The following PCDH9 variants were observed in gnomAD, a reference collection of about 807,000 sequenced individuals.
PCDH9 encodes the protein protocadherin-9.
PCDH9 carries 24 observed loss-of-function variants against 70.6 expected under a neutral mutation model. The ratio of observed to expected loss-of-function variants is 0.34; its 90% CI spans 0.25 to 0.48. The LOEUF is 0.48. Among genes scored for constraint, PCDH9 ranks in the 20% least tolerant of loss-of-function variants. The pLI is 0.99. For missense variants in PCDH9, 1,281 were observed against 1,503.6 expected (o/e 0.85, Z 2.45); for synonymous variants, 562 against 558.5 (o/e 1.01, Z -0.09).
intron 3 of PCDH9, among the ~76,000 whole-genome samples, chr13:66,757,511 C>A (rs1298701314): frequency 6.6e-6 from 1 of 151,990 alleles, no homozygotes; most frequent in East Asian, 1.9e-4. Flanking sequence ...CAACCAAATT[C>A]TATGTGTCCT....
chr13:67,072,644 T>A (rs9529181), intron 2 of PCDH9, among the ~76,000 whole-genome samples: 2 of 151,856 alleles, frequency 1.3e-5, no homozygotes, highest in African/African-American at 4.8e-5. Flanking sequence ...ATGAAGATAT[T>A]CATCCCAAAT....
chr13:66,635,633 A>C (rs1372742432), intron 3 of PCDH9, among the ~76,000 whole-genome samples: 1 of 152,130 alleles, frequency 6.6e-6, no homozygotes, highest in Non-Finnish European at 1.5e-5. Flanking sequence ...GAAGATGTAC[A>C]TGTCCTGCAC....
At chr13:66,887,258 G>T (rs2082022086) in intron 3 of PCDH9, among the ~76,000 whole-genome samples, 1 of 151,900 alleles carries the variant, frequency 6.6e-6, no homozygotes, top group Non-Finnish European at 1.5e-5. Flanking sequence ...TATCATTAGT[G>T]GGATGATGGT....
In PCDH9 at chr13:67,225,901, G is replaced by A. The variant is rs371486234; in HGVS notation, c.2540C>T (p.Ala847Val). ...TTCGGCACCTTGCTTGCTCCTCTGA[G>A]CTGCTTTGAACCTTGATGCATGGCG... ...RCRHASRFKA[A>V]QRSKQGAEWM... The change falls in exon 2 of 5, where the codon GCT becomes GTT. Residue 847 changes from alanine (A) to valine (V), a missense_variant. Physicochemically the swap from Ala to Val is moderately conservative, Grantham distance 64. Transcript: ENST00000377865. 1.9e-6 allele frequency: 3 copies of A among 1,614,056 alleles called. No homozygotes were observed. The highest frequency in any genetic ancestry group is 2.2e-5 in the South Asian group (2 of 91,088).
At chr13:66,834,404 A>AGTGCTTG (rs1229186313) in intron 3 of PCDH9, among the ~76,000 whole-genome samples, 1 of 152,038 alleles carries the variant, frequency 6.6e-6, no homozygotes, top group Non-Finnish European at 1.5e-5. Flanking sequence ...GGCCTCCCAG[A>AGTGCTTG]GTGCTTGGAT....
chr13:66,656,076 G>A (rs905456930), intron 3 of PCDH9, among the ~76,000 whole-genome samples: 1 of 151,656 alleles, frequency 6.6e-6, no homozygotes, highest in Non-Finnish European at 1.5e-5. Flanking sequence ...AGGCAGGTGT[G>A]CCAGAAAAGC....
chr13:67,110,318 C>G (rs1016351120), intron 2 of PCDH9, among the ~76,000 whole-genome samples: 1 of 151,968 alleles, frequency 6.6e-6, no homozygotes, highest in Non-Finnish European at 1.5e-5. Flanking sequence ...AGTTCAAGAC[C>G]AGCCTGGCCA....
At chr13:66,639,767 G>C (rs2077685262) in intron 3 of PCDH9, among the ~76,000 whole-genome samples, 1 of 152,174 alleles carries the variant, frequency 6.6e-6, no homozygotes, top group African/African-American at 2.4e-5. Context: ...AAAGCAAACA[G>C]AGAGGATTAA....
chr13:66,351,821 C>CT (rs957400423), intron 4 of PCDH9, among the ~76,000 whole-genome samples: 40 of 144,840 alleles, frequency 2.8e-4, no homozygotes, highest in African/African-American at 6.0e-4. Context: ...TTACACATTC[C>CT]TTTTTTTTTT....
intron 2 of PCDH9, among the ~76,000 whole-genome samples, chr13:67,062,903 T>C (rs1351171802): frequency 6.6e-6 from 1 of 152,164 alleles, no homozygotes; most frequent in Non-Finnish European, 1.5e-5. Context: ...AAAACATGCA[T>C]TAAAGCTTCC....
At chr13:66,639,753 G>C (rs745473519) in intron 3 of PCDH9, among the ~76,000 whole-genome samples, 1 of 152,146 alleles carries the variant, frequency 6.6e-6, no homozygotes, top group Non-Finnish European at 1.5e-5. Context: ...CTCCTCAGGG[G>C]TTCAAAGCAA....
At chr13:66,531,852 A>G (rs1960469969) in intron 4 of PCDH9, among the ~76,000 whole-genome samples, 1 of 152,182 alleles carries the variant, frequency 6.6e-6, no homozygotes, top group South Asian at 2.1e-4. Flanking sequence ...GCACAAATGG[A>G]ATTTAGAGAT....
intron 3 of PCDH9, among the ~76,000 whole-genome samples, chr13:66,718,131 A>C (rs1304162214): frequency 6.6e-6 from 1 of 152,210 alleles, no homozygotes; most frequent in Non-Finnish European, 1.5e-5. Flanking sequence ...TCAGGGTCAA[A>C]ACATTCTGGA....
intron 3 of PCDH9, among the ~76,000 whole-genome samples, chr13:66,668,841 A>G (rs905184553): frequency 1.3e-5 from 2 of 152,140 alleles, no homozygotes; most frequent in African/African-American, 4.8e-5. Context: ...GTTAGCCCCA[A>G]TTATTTTTAA....
intron 2 of PCDH9, among the ~76,000 whole-genome samples, chr13:67,102,706 AAG>A (rs963442549): frequency 6.6e-6 from 1 of 152,168 alleles, no homozygotes; most frequent in Non-Finnish European, 1.5e-5. Context: ...CATTCTGTAA[AAG>A]AGAGAGAAGG....
At chr13:66,392,230 ATTTAGC>A (rs1412177556) in intron 4 of PCDH9, among the ~76,000 whole-genome samples, 3 of 152,042 alleles carry the variant, frequency 2.0e-5, no homozygotes, top group Non-Finnish European at 4.4e-5. Context: ...AGCAAAATAA[ATTTAGC>A]TAATCATTTA....
At chr13:66,551,992 G>A (rs1961509478) in intron 4 of PCDH9, among the ~76,000 whole-genome samples, 1 of 152,046 alleles carries the variant, frequency 6.6e-6, no homozygotes, top group Admixed American at 6.6e-5. Flanking sequence ...TTTGTGAACA[G>A]GCTGAACACA....
chr13:66,516,219 A>G (rs1407649769), intron 4 of PCDH9, among the ~76,000 whole-genome samples: 1 of 152,054 alleles, frequency 6.6e-6, no homozygotes, highest in Non-Finnish European at 1.5e-5. Context: ...TACTGAATGC[A>G]TATGATATCC....
chr13:66,567,057 TA>T lies in PCDH9; in HGVS notation c.3340+64152del, dbSNP rs569070548. Among the ~76,000 whole-genome samples, 203 of 150,098 alleles carry T rather than the reference TA, an allele frequency of 1.4e-3. 1 individual carries two copies. Among genetic ancestry groups the T allele is most frequent in the Non-Finnish European group, 1.6e-3 (111 of 67,288 alleles). On this transcript the variant is annotated intron_variant, in intron 4 of 4. Coordinates refer to ENST00000377865, the MANE Select transcript of PCDH9 (RefSeq NM_203487.3). ...GGGGAAAGTTCTCCATTCTTATGTT[TA>T]AAAAAAAAATCCTTAAAATCAAATT...
Sources: gnomAD v4.1 joint callset for allele counts (sites outside exome capture counted in the v4.1 genomes callset) on GRCh38, gnomAD v4.1.1 for gene constraint, MANE v1.5 for transcripts, NCBI Gene and HGNC (gene_info 2026-07-23, HGNC 2026-07-21) for gene names.